Variants in CLDN10 observed in about 807,000 individuals in gnomAD.
The protein encoded by CLDN10 is claudin 10, also known as claudin-10.
In CLDN10, 15 loss-of-function variants were observed where a neutral mutation model predicts 22.9. The ratio of observed to expected loss-of-function variants is 0.65; its 90% CI spans 0.44 to 1.01. The LOEUF is 1.01. Among genes scored for constraint, CLDN10 ranks in the 50% least tolerant of loss-of-function variants. The pLI is 0.00. For missense variants in CLDN10, 247 were observed against 287.8 expected (o/e 0.86, Z 1.03); for synonymous variants, 114 against 111.4 (o/e 1.02, Z -0.15).
intron 1 of CLDN10, among the ~76,000 whole-genome samples, chr13:95,494,252 T>C (rs2042905104): frequency 1.3e-5 from 2 of 152,226 alleles, no homozygotes; most frequent in African/African-American, 4.8e-5. Flanking sequence ...ACACAAAAGA[T>C]GCTGTCATAC....
intron 1 of CLDN10, among the ~76,000 whole-genome samples, chr13:95,515,784 CAG>C (rs999495718): frequency 2.0e-5 from 3 of 152,172 alleles, no homozygotes; most frequent in Non-Finnish European, 4.4e-5. Context: ...GGTTTGGGAA[CAG>C]AGAGTTTCTT....
At chr13:95,519,292 C>A (rs1228983640) in intron 1 of CLDN10, among the ~76,000 whole-genome samples, 1 of 152,182 alleles carries the variant, frequency 6.6e-6, no homozygotes, top group Non-Finnish European at 1.5e-5. Flanking sequence ...GAGACCTAAA[C>A]AAGCAGATGG....
At chr13:95,514,201 G>A (rs2043137278) in intron 1 of CLDN10, among the ~76,000 whole-genome samples, 1 of 152,174 alleles carries the variant, frequency 6.6e-6, no homozygotes, top group South Asian at 2.1e-4. Flanking sequence ...GGAGGTTACA[G>A]TGAGCTGTGA....
chr13:95,566,172 C>T (rs2043785225), intron 3 of CLDN10, among the ~76,000 whole-genome samples: 1 of 152,226 alleles, frequency 6.6e-6, no homozygotes, highest in East Asian at 1.9e-4. Context: ...AATGCTATTT[C>T]TAGTTGTAGA....
intron 1 of CLDN10, among the ~76,000 whole-genome samples, chr13:95,517,672 A>G (rs1206621520): frequency 6.6e-6 from 1 of 152,156 alleles, no homozygotes; most frequent in Non-Finnish European, 1.5e-5. Context: ...GCGGTGGCTC[A>G]TGCCTCTAAT....
intron 1 of CLDN10, among the ~76,000 whole-genome samples, chr13:95,517,535 T>A (rs191016321): frequency 1.3e-5 from 2 of 152,364 alleles, no homozygotes; most frequent in Non-Finnish European, 2.9e-5. Flanking sequence ...ACACTTCCTA[T>A]TCTTCAGAAA....
At chr13:95,518,429 C>T (rs1594582296) in intron 1 of CLDN10, among the ~76,000 whole-genome samples, 1 of 152,028 alleles carries the variant, frequency 6.6e-6, no homozygotes, top group African/African-American at 2.4e-5. Context: ...TTACCAACTG[C>T]AGTCATTAAG....
chr13:95,459,373 A>T (rs1231089261), intron 1 of CLDN10, among the ~76,000 whole-genome samples: 1 of 152,144 alleles, frequency 6.6e-6, no homozygotes, highest in Non-Finnish European at 1.5e-5. Context: ...GAGGTTCTCC[A>T]TGAGGGCTCC....
intron 1 of CLDN10, among the ~76,000 whole-genome samples, chr13:95,476,367 G>T (rs1047303601): frequency 4.6e-5 from 7 of 152,164 alleles, no homozygotes; most frequent in Admixed American, 2.0e-4. Flanking sequence ...TCCGGTGAGG[G>T]CTGCTTTCTG....
intron 1 of CLDN10, among the ~76,000 whole-genome samples, chr13:95,491,523 T>C (rs2042871751): frequency 6.6e-6 from 1 of 152,116 alleles, no homozygotes; most frequent in Admixed American, 6.5e-5. Context: ...TAAATTATTT[T>C]TTTCTGTAAG....
At chr13:95,560,083 T>G (rs993544858) in intron 1 of CLDN10, 49 bp from the exon 2 acceptor site, 73 of 1,520,638 alleles carry the variant, frequency 4.8e-5, no homozygotes, top group Non-Finnish European at 5.6e-5. Flanking sequence ...GATTTCTCCC[T>G]GGACAGCCAC....
chr13:95,564,433 TA>T (rs2043756688), intron 3 of CLDN10, among the ~76,000 whole-genome samples: 1 of 152,198 alleles, frequency 6.6e-6, no homozygotes, highest in Non-Finnish European at 1.5e-5. Context: ...TTTGGGCCCT[TA>T]GGAAGCGCAG....
At chr13:95,441,763 G>A (rs1334968546) in intron 1 of CLDN10, among the ~76,000 whole-genome samples, 2 of 152,108 alleles carry the variant, frequency 1.3e-5, no homozygotes, top group Non-Finnish European at 2.9e-5. Flanking sequence ...TCTTTGCCTG[G>A]AGTTTGGCCT....
chr13:95,564,540 C>A (rs2043758216), intron 3 of CLDN10, among the ~76,000 whole-genome samples: 1 of 152,184 alleles, frequency 6.6e-6, no homozygotes, highest in Non-Finnish European at 1.5e-5. Flanking sequence ...GAGTTTAGAC[C>A]TCAGAGCATG....
chr13:95,548,832 A>G (rs1483317421), upstream of CLDN10, among the ~76,000 whole-genome samples: 1 of 152,188 alleles, frequency 6.6e-6, no homozygotes, highest in Non-Finnish European at 1.5e-5. Context: ...TCTAGGAAGG[A>G]GCTAATGTAT....
At chr13:95,544,412 ATGTT>A (rs1157419486) in intron 1 of CLDN10, among the ~76,000 whole-genome samples, 3 of 152,208 alleles carry the variant, frequency 2.0e-5, no homozygotes, top group Non-Finnish European at 4.4e-5. Flanking sequence ...GACATAGGGC[ATGTT>A]TGTTTGTCAG....
chr13:95,540,438 G>A lies in CLDN10; in HGVS notation c.215-19694G>A, dbSNP rs112717974. ...GAGCCTGGGAGGTGGAGGTTGCAGT[G>A]AGCCAAGATAGCACCACTGCACACC... On this transcript the variant is annotated intron_variant, in intron 1 of 4. Transcript: ENST00000376873. Among the ~76,000 whole-genome samples, 1,197 of 152,124 alleles carry A rather than the reference G, an allele frequency of 7.9e-3. 10 individuals are homozygous for A. Among genetic ancestry groups the A allele is most frequent in the South Asian group, 0.018 (88 of 4,816 alleles).
intron 1 of CLDN10, among the ~76,000 whole-genome samples, chr13:95,471,123 C>T (rs1442389120): frequency 1.3e-5 from 2 of 152,056 alleles, no homozygotes; most frequent in African/African-American, 4.8e-5. Flanking sequence ...AATGATTTCA[C>T]TGTGACCTGA....
rs1408415305 is a variant in CLDN10 at position 95,579,495 on chromosome 13, C to G, written c.*1481C>G. On this transcript the variant is annotated 3_prime_UTR_variant, in exon 5 of 5. Coordinates refer to ENST00000299339, the MANE Select transcript of CLDN10 (RefSeq NM_006984.5). ...GAAAACAGAGAGCTTAAATAATTTG[C>G]CACAGTAATGTCGAAACTAGGCCTT... 1 of 152,142 alleles carries G rather than the reference C, an allele frequency of 6.6e-6. No individual in the cohort carries two copies. The highest frequency in any genetic ancestry group is 1.5e-5 in the Non-Finnish European group (1 of 68,036). 9.4% of individuals were successfully genotyped at this position (152,142 alleles called of 1,614,324 possible).
Sources: gnomAD v4.1 joint callset for allele counts (sites outside exome capture counted in the v4.1 genomes callset) on GRCh38, gnomAD v4.1.1 for gene constraint, MANE v1.5 for transcripts, NCBI Gene and HGNC (gene_info 2026-07-23, HGNC 2026-07-21) for gene names.